Variants in ZNF804B observed in about 807,000 individuals in gnomAD.
The protein encoded by ZNF804B is zinc finger 804B.
In ZNF804B, 80 loss-of-function variants were observed where a neutral mutation model predicts 101.4. That is an observed-to-expected ratio of 0.79 (90% confidence interval 0.66 to 0.95). The LOEUF is 0.95. Among genes scored for constraint, ZNF804B ranks in the 40% least tolerant of loss-of-function variants. The pLI is 0.00. For synonymous variants in ZNF804B, 622 were observed against 558.8 expected (o/e 1.11, Z -1.59); for missense variants, 1,673 against 1,561.9 (o/e 1.07, Z -1.20).
intron 1 of ZNF804B, among the ~76,000 whole-genome samples, chr7:89,023,568 T>C (rs1788701842): frequency 6.6e-6 from 1 of 152,198 alleles, no homozygotes; most frequent in South Asian, 2.1e-4. Flanking sequence ...AGCATTTTAC[T>C]AGAGTTTATT....
intron 1 of ZNF804B, among the ~76,000 whole-genome samples, chr7:88,848,052 A>T (rs1223412854): frequency 6.6e-6 from 1 of 152,154 alleles, no homozygotes; most frequent in African/African-American, 2.4e-5. Context: ...CCACAGGGAA[A>T]TTTGGCAATG....
At chr7:88,808,546 T>C (rs970750562) in intron 1 of ZNF804B, among the ~76,000 whole-genome samples, 1 of 151,990 alleles carries the variant, frequency 6.6e-6, no homozygotes, top group Admixed American at 6.6e-5. Flanking sequence ...AATTGAACAG[T>C]GTACTGGGAT....
chr7:89,053,113 A>T (rs1789234740), intron 1 of ZNF804B, among the ~76,000 whole-genome samples: 2 of 152,168 alleles, frequency 1.3e-5, no homozygotes, highest in South Asian at 4.1e-4. Context: ...TTATAAAATT[A>T]AATAGAATGT....
At chr7:88,914,080 A>G (rs202060673) in intron 1 of ZNF804B, among the ~76,000 whole-genome samples, 2 of 152,134 alleles carry the variant, frequency 1.3e-5, no homozygotes. Context: ...CCAGGCTGCT[A>G]GAGAATAGGT....
intron 1 of ZNF804B, among the ~76,000 whole-genome samples, chr7:89,012,937 C>G (rs576463103): frequency 6.6e-6 from 1 of 152,060 alleles, no homozygotes; most frequent in Non-Finnish European, 1.5e-5. Flanking sequence ...GGCTGGGTAG[C>G]CCTCAGGAAA....
At chr7:88,827,110 A>G (rs1280413299) in intron 1 of ZNF804B, among the ~76,000 whole-genome samples, 2 of 152,096 alleles carry the variant, frequency 1.3e-5, no homozygotes, top group East Asian at 1.9e-4. Flanking sequence ...ACTGTATTCA[A>G]ATAAATTTGG....
intron 1 of ZNF804B, among the ~76,000 whole-genome samples, chr7:88,844,843 A>T (rs1378502627): frequency 6.6e-6 from 1 of 152,244 alleles, no homozygotes; most frequent in Non-Finnish European, 1.5e-5. Context: ...TTTGAGATTT[A>T]TAATAGGATA....
At chr7:89,098,805 T>C (rs1345432852) in intron 1 of ZNF804B, among the ~76,000 whole-genome samples, 1 of 151,990 alleles carries the variant, frequency 6.6e-6, no homozygotes, top group South Asian at 2.1e-4. Context: ...GACTCTGAAC[T>C]GTAAACTGCC....
chr7:88,947,677 G>GA (rs751623319), intron 1 of ZNF804B, among the ~76,000 whole-genome samples: 23 of 150,180 alleles, frequency 1.5e-4, no homozygotes, highest in South Asian at 2.1e-4. Context: ...ATATAAAAAA[G>GA]AAAAAAAAAC....
At chr7:88,837,158 C>T (rs1416726906) in intron 1 of ZNF804B, among the ~76,000 whole-genome samples, 1 of 151,856 alleles carries the variant, frequency 6.6e-6, no homozygotes, top group East Asian at 1.9e-4. Context: ...CTTCATGGTA[C>T]ACAATATATT....
chr7:89,098,380 C>T (rs527761446), intron 1 of ZNF804B, among the ~76,000 whole-genome samples: 14 of 149,978 alleles, frequency 9.3e-5, no homozygotes, highest in South Asian at 8.3e-4. Flanking sequence ...TCAAGCAATT[C>T]TCCTACCTCA....
intron 1 of ZNF804B, among the ~76,000 whole-genome samples, chr7:89,032,843 T>G (rs1396179024): frequency 6.6e-6 from 1 of 152,098 alleles, no homozygotes; most frequent in African/African-American, 2.4e-5. Context: ...GTTGCATATA[T>G]TTATGGCATA....
At chr7:89,193,607 C>T (rs1788496186) in intron 1 of ZNF804B, among the ~76,000 whole-genome samples, 1 of 151,936 alleles carries the variant, frequency 6.6e-6, no homozygotes, top group Non-Finnish European at 1.5e-5. Context: ...ATGATGGTTT[C>T]CAGCTTCATC....
chr7:89,215,779 G>T (rs1195784060), intron 1 of ZNF804B, among the ~76,000 whole-genome samples: 2 of 151,828 alleles, frequency 1.3e-5, no homozygotes, highest in East Asian at 3.9e-4. Flanking sequence ...GCTACTGCGG[G>T]AGGCTGAGGC....
At chr7:88,831,571 CAAAA>C (rs1296460224) in intron 1 of ZNF804B, among the ~76,000 whole-genome samples, 4 of 146,522 alleles carry the variant, frequency 2.7e-5, no homozygotes, top group East Asian at 2.0e-4. Flanking sequence ...CAAAAACAAA[CAAAA>C]AAAAAATTGA....
intron 1 of ZNF804B, among the ~76,000 whole-genome samples, chr7:89,107,379 A>G (rs1343127600): frequency 6.6e-6 from 1 of 152,094 alleles, no homozygotes; most frequent in East Asian, 1.9e-4. Context: ...TATGTTTGAG[A>G]TATCTATAAT....
intron 1 of ZNF804B, among the ~76,000 whole-genome samples, chr7:88,910,108 G>A (rs1792526848): frequency 6.6e-6 from 1 of 151,806 alleles, no homozygotes; most frequent in South Asian, 2.1e-4. Context: ...AGGGCAAAAA[G>A]TGAATAGGTA....
At chr7:89,298,214 G>GTATATA (rs1187893918) in intron 2 of ZNF804B, among the ~76,000 whole-genome samples, 118 of 58,622 alleles carry the variant, frequency 2.0e-3, no homozygotes, top group African/African-American at 2.8e-3. Context: ...GTGTGTGTGT[G>GTATATA]TGTATATATA....
At position 88,974,928 on chromosome 7, in the gene ZNF804B, C is replaced by T. The variant is rs555087868; in HGVS notation, c.108+214844C>T. Among the ~76,000 whole-genome samples, 19 of 151,366 alleles carry T rather than the reference C, an allele frequency of 1.3e-4. No homozygotes were observed. In the East Asian group the frequency reaches 3.7e-3, roughly 30 times the overall value. On this transcript the variant is annotated intron_variant, in intron 1 of 3. Coordinates refer to ENST00000333190, the MANE Select transcript of ZNF804B (RefSeq NM_181646.5). Reference sequence around the variant, plus strand: ...CTGTACCCATTAACCATTTCCACCCCCTGACTTTTCCCAGCTTCTTGTAAC... The same window carrying T: ...CTGTACCCATTAACCATTTCCACCCTCTGACTTTTCCCAGCTTCTTGTAAC...
Sources: allele counts gnomAD v4.1 joint callset (sites outside exome capture counted in the v4.1 genomes callset), GRCh38; gene constraint gnomAD v4.1.1; transcripts MANE v1.5; gene names NCBI Gene and HGNC (gene_info 2026-07-23, HGNC 2026-07-21).